Variants in COL23A1 observed in about 807,000 individuals in gnomAD.
The protein encoded by COL23A1 is collagen type XXIII alpha 1 chain, also known as collagen alpha-1(XXIII) chain.
COL23A1 carries 97 observed loss-of-function variants against 99.3 expected under a neutral mutation model. That is an observed-to-expected ratio of 0.98 (90% confidence interval 0.83 to 1.16). COL23A1 has a LOEUF of 1.16. Among genes scored for constraint, COL23A1 ranks in the 50% most tolerant of loss-of-function variants. The probability of loss-of-function intolerance (pLI) is 0.00; values close to 1 mark genes in which losing one functional copy is unlikely to be tolerated. For synonymous variants in COL23A1, 320 were observed against 308.2 expected (o/e 1.04, Z -0.40); for missense variants, 762 against 757.4 (o/e 1.01, Z -0.07).
intron 2 of COL23A1, among the ~76,000 whole-genome samples, chr5:178,345,607 C>G (rs755476582): frequency 1.3e-5 from 2 of 151,904 alleles, no homozygotes; most frequent in Non-Finnish European, 2.9e-5. Context: ...AGCTCCGCCT[C>G]CTGGGTTCAC....
chr5:178,548,165 G>T (rs1761812983), intron 2 of COL23A1, among the ~76,000 whole-genome samples: 1 of 149,584 alleles, frequency 6.7e-6, no homozygotes, highest in African/African-American at 2.5e-5. Flanking sequence ...GGCTAAGGAA[G>T]GCAGCCAGCA....
At chr5:178,247,390 G>A in intron 22 of COL23A1, 136 bp downstream of exon 22, 1 of 953,030 alleles carries the variant, frequency 1.0e-6, no homozygotes, top group Non-Finnish European at 1.6e-6. Flanking sequence ...GGGGACTTGG[G>A]ACGTTCAGGC....
chr5:178,564,152 C>T (rs893093145), intron 1 of COL23A1, among the ~76,000 whole-genome samples: 1 of 152,220 alleles, frequency 6.6e-6, no homozygotes, highest in African/African-American at 2.4e-5. Context: ...TTGAGCTACT[C>T]TCACCTTAAT....
At chr5:178,396,838 CGA>C (rs1355743954) in intron 2 of COL23A1, among the ~76,000 whole-genome samples, 3 of 151,614 alleles carry the variant, frequency 2.0e-5, no homozygotes, top group Non-Finnish European at 2.9e-5. Flanking sequence ...GGCTGTCCTC[CGA>C]GAGTCTCTCC....
At chr5:178,537,456 GTA>G (rs1430848447) in intron 2 of COL23A1, among the ~76,000 whole-genome samples, 1 of 152,242 alleles carries the variant, frequency 6.6e-6, no homozygotes, top group East Asian at 1.9e-4. Context: ...CATAGAACTA[GTA>G]CCGAGGAGAG....
At chr5:178,551,493 C>T (rs929760424) in intron 2 of COL23A1, among the ~76,000 whole-genome samples, 59 of 152,246 alleles carry the variant, frequency 3.9e-4, no homozygotes, top group African/African-American at 1.4e-3. Flanking sequence ...CCAAATTGAT[C>T]CCTCTTTGGG....
chr5:178,284,214 A>G (rs1177396624), intron 5 of COL23A1, among the ~76,000 whole-genome samples: 3 of 152,216 alleles, frequency 2.0e-5, no homozygotes, highest in Admixed American at 6.5e-5. Flanking sequence ...AAGCTCTTAA[A>G]CACGGGTGAT....
chr5:178,347,830 G>A (rs553497679), intron 2 of COL23A1, among the ~76,000 whole-genome samples: 29 of 141,592 alleles, frequency 2.0e-4, no homozygotes, highest in Middle Eastern at 8.3e-3. Context: ...GCAGTGAGCC[G>A]AGATTGCGCC....
chr5:178,514,919 A>G (rs1759419207), intron 2 of COL23A1, among the ~76,000 whole-genome samples: 1 of 152,280 alleles, frequency 6.6e-6, no homozygotes, highest in Non-Finnish European at 1.5e-5. Context: ...AACAAAGCTC[A>G]GTAAAGGGAC....
rs574436908 is a variant in COL23A1 at position 178,342,861 on chromosome 5, C to T, written c.362-35942G>A. ...GTAAGAGAAAATCTATACTGCAACA[C>T]ATTCGAGTGAAACTTAAGACCATCA... On this transcript the variant is annotated intron_variant, in intron 2 of 28. Transcript: ENST00000390654. Among the ~76,000 whole-genome samples the T allele has an allele frequency of 3.3e-5, 5 of 152,254 alleles. No individual in the cohort carries two copies. In the South Asian group the frequency reaches 1.0e-3, roughly 32 times the overall value.
Position 178,463,726 on chromosome 5 carries a change from C to T in COL23A1, c.361+96956G>A, listed in dbSNP as rs113777352. On this transcript the variant is annotated intron_variant, in intron 2 of 28. Transcript: ENST00000390654. ...TGCACGGTGGCCCCCAGCCCTGCCG[C>T]GGTGTAAACACAGGGGGTCTGGATG... Among the ~76,000 whole-genome samples the T allele has an allele frequency of 8.6e-3, 1,308 of 152,300 alleles. 19 individuals carry two copies. The highest frequency in any genetic ancestry group is 0.03 in the African/African-American group (1,247 of 41,548).
At chr5:178,505,237 T>A (rs1324481426) in intron 2 of COL23A1, among the ~76,000 whole-genome samples, 1 of 148,444 alleles carries the variant, frequency 6.7e-6, no homozygotes, top group African/African-American at 2.4e-5. Context: ...GGTGTGTGTG[T>A]GTCTAAATTT....
At chr5:178,347,113 C>T (rs912242618) in intron 2 of COL23A1, among the ~76,000 whole-genome samples, 3 of 152,134 alleles carry the variant, frequency 2.0e-5, no homozygotes, top group Admixed American at 1.3e-4. Context: ...GTCCTCACCG[C>T]GCACTGAGGC....
At chr5:178,332,582 T>C (rs969452012) in intron 2 of COL23A1, among the ~76,000 whole-genome samples, 5 of 152,148 alleles carry the variant, frequency 3.3e-5, no homozygotes, top group Non-Finnish European at 7.3e-5. Context: ...TGGCAGGGCT[T>C]CAAACTCCGC....
chr5:178,544,040 A>G lies in COL23A1; in HGVS notation c.361+16642T>C, dbSNP rs1761443096. On this transcript the variant is annotated intron_variant, in intron 2 of 28. Transcript: ENST00000390654. The surrounding 1 kb of genome is among the most constrained non-coding windows in gnomAD (Gnocchi z 4.4). Reference sequence around the variant, plus strand: ...AGGGCTCCACTCTCATACCCTAATCACCTCCTAACACCATTACCTTGGAGA... The same window carrying G: ...AGGGCTCCACTCTCATACCCTAATCGCCTCCTAACACCATTACCTTGGAGA... 6.6e-6 allele frequency among the ~76,000 whole-genome samples: 1 copy of G among 151,490 alleles called. No individual in the cohort carries two copies. Among genetic ancestry groups the G allele is most frequent in the African/African-American group, 2.4e-5 (1 of 41,156 alleles).
chr5:178,359,346 G>T (rs1288518940), intron 2 of COL23A1, among the ~76,000 whole-genome samples: 1 of 152,166 alleles, frequency 6.6e-6, no homozygotes, highest in Non-Finnish European at 1.5e-5. Flanking sequence ...CAACAATGGT[G>T]ACATCCCGTT....
intron 2 of COL23A1, among the ~76,000 whole-genome samples, chr5:178,338,581 GT>G (rs1368516158): frequency 6.6e-6 from 1 of 151,268 alleles, no homozygotes; most frequent in Non-Finnish European, 1.5e-5. Context: ...TAGCTCCTGG[GT>G]CACTGGCCAG....
chr5:178,366,322 C>T lies in COL23A1; in HGVS notation c.362-59403G>A, dbSNP rs1390586578. Among the ~76,000 whole-genome samples, 1 of 152,214 alleles carries T rather than the reference C, an allele frequency of 6.6e-6. No homozygotes were observed. The highest frequency in any genetic ancestry group is 2.4e-5 in the African/African-American group (1 of 41,464). Reference sequence around the variant, plus strand: ...CTGCACCCCACGATGGGCGCTGCGTCCTCCATCCTCTGGTGCACCAGGTTA... The same window carrying T: ...CTGCACCCCACGATGGGCGCTGCGTTCTCCATCCTCTGGTGCACCAGGTTA... On this transcript the variant is annotated intron_variant, in intron 2 of 28. Transcript: ENST00000390654. The surrounding 1 kb of genome is among the most constrained non-coding windows in gnomAD (Gnocchi z 4.4).
chr5:178,578,487 T>A (rs1763506254), intron 1 of COL23A1, among the ~76,000 whole-genome samples: 1 of 152,212 alleles, frequency 6.6e-6, no homozygotes, highest in Non-Finnish European at 1.5e-5. Flanking sequence ...AATGAGCAGA[T>A]CCGGCATTTT....
Sources: allele counts gnomAD v4.1 joint callset (sites outside exome capture counted in the v4.1 genomes callset), GRCh38; gene constraint gnomAD v4.1.1; non-coding constraint Gnocchi (gnomAD v3.1); transcripts MANE v1.5; gene names NCBI Gene and HGNC (gene_info 2026-07-23, HGNC 2026-07-21).